WASF3: variants seen among roughly 807,000 people sequenced by gnomAD.
The protein encoded by WASF3 is WASP family member 3.
In WASF3, 11 loss-of-function variants were observed where a neutral mutation model predicts 46.6. That is an observed-to-expected ratio of 0.24 (90% CI 0.15 to 0.39). The LOEUF (loss-of-function observed/expected upper bound fraction) is 0.39, where lower values mean the gene tolerates loss of function less well. Among genes scored for constraint, WASF3 ranks in the 10% least tolerant of loss-of-function variants. The probability of loss-of-function intolerance (pLI) is 1.00; values close to 1 mark genes in which losing one functional copy is unlikely to be tolerated. For synonymous variants in WASF3, 242 were observed against 259.7 expected, an observed-to-expected ratio of 0.93 and a Z score of 0.65; for missense variants, 576 against 669.8, an observed-to-expected ratio of 0.86 and a Z score of 1.55.
In WASF3 at chr13:26,685,729, G is replaced by A; in HGVS notation, c.1393G>A (p.Ala465Thr). ...KKVQEQREQE[A>T]KREPVGNDVA... is the part of the protein sequence containing the mutation. ...GGTGCAGGAGCAGCGGGAGCAGGAG[G>A]CCAAGCGGGAGCCAGTGGGGAATGA... Residue 465 changes from alanine (A) to threonine (T), a missense_variant, in exon 10 of 10, where the codon GCC (alanine) becomes ACC (threonine). Ala to Thr is a moderately conservative substitution (Grantham distance 58). Coordinates refer to ENST00000335327, the MANE Select transcript of WASF3 (RefSeq NM_006646.6). 1 of 1,614,216 alleles carries A rather than the reference G, an allele frequency of 6.2e-7. No individual in the cohort carries two copies. Among genetic ancestry groups the A allele is most frequent in the Non-Finnish European group, 8.5e-7 (1 of 1,180,042 alleles).
chr13:26,635,865 G>A (rs1283941781), intron 2 of WASF3, among the ~76,000 whole-genome samples: 1 of 152,244 alleles, frequency 6.6e-6, no homozygotes, highest in Non-Finnish European at 1.5e-5. Context: ...ATTGCTGCCT[G>A]ATGCGTCCTC....
At chr13:26,590,943 G>C (rs191209766) in intron 1 of WASF3, among the ~76,000 whole-genome samples, 55 of 152,306 alleles carry the variant, frequency 3.6e-4, no homozygotes, top group African/African-American at 1.3e-3. Flanking sequence ...GGGTAAGGAG[G>C]TTCAGGACTT....
At chr13:26,564,414 T>C (rs376551079) in intron 1 of WASF3, among the ~76,000 whole-genome samples, 1 of 152,370 alleles carries the variant, frequency 6.6e-6, no homozygotes, top group African/African-American at 2.4e-5. Context: ...CCACTGGCTG[T>C]CCTCTCACAG....
intron 1 of WASF3, among the ~76,000 whole-genome samples, chr13:26,572,699 C>T (rs929779457): frequency 3.3e-5 from 5 of 152,074 alleles, no homozygotes; most frequent in Admixed American, 2.0e-4. Flanking sequence ...ACTATAGGCA[C>T]GTACCACCAT....
At chr13:26,619,948 G>A (rs1441982116) in intron 2 of WASF3, among the ~76,000 whole-genome samples, 3 of 152,166 alleles carry the variant, frequency 2.0e-5, no homozygotes, top group Admixed American at 2.0e-4. Flanking sequence ...ACACAGAAAT[G>A]AAGTAGCCTT....
At chr13:26,560,707 C>A (rs1379554478) in intron 1 of WASF3, among the ~76,000 whole-genome samples, 3 of 152,162 alleles carry the variant, frequency 2.0e-5, no homozygotes, top group Non-Finnish European at 4.4e-5. Context: ...TCCATTCATT[C>A]ATTTGCTTTA....
At chr13:26,597,124 A>G (rs1291464405) in intron 1 of WASF3, among the ~76,000 whole-genome samples, 3 of 151,986 alleles carry the variant, frequency 2.0e-5, no homozygotes, top group Non-Finnish European at 2.9e-5. Flanking sequence ...CTTGTGTCCC[A>G]TTATTTCTAT....
intron 2 of WASF3, among the ~76,000 whole-genome samples, chr13:26,632,710 T>C (rs1881689179): frequency 6.6e-6 from 1 of 152,224 alleles, no homozygotes; most frequent in Non-Finnish European, 1.5e-5. Context: ...GAAGATTCCC[T>C]CTTTTTCTGT....
intron 3 of WASF3, among the ~76,000 whole-genome samples, chr13:26,658,050 C>T (rs570312072): frequency 2.0e-5 from 3 of 152,248 alleles, no homozygotes; most frequent in South Asian, 2.1e-4. Flanking sequence ...TATGCAGCAT[C>T]GAGCTGAGAG....
intron 1 of WASF3, among the ~76,000 whole-genome samples, chr13:26,584,716 G>A (rs1880080214): frequency 6.6e-6 from 1 of 152,200 alleles, no homozygotes; most frequent in Non-Finnish European, 1.5e-5. Context: ...GAAACATGCA[G>A]CAAAGAAAGG....
chr13:26,545,879 C>A, the WASF3 span, among the ~76,000 whole-genome samples: 1 of 152,230 alleles, frequency 6.6e-6, no homozygotes, highest in Admixed American at 6.5e-5. Flanking sequence ...GCTGAGATTA[C>A]GGACATAAGC....
In WASF3 at chr13:26,608,695, G is replaced by A. The variant is rs56068815; in HGVS notation, c.-108-4266G>A. 8.9e-3 allele frequency among the ~76,000 whole-genome samples: 1,357 copies of A among 152,166 alleles called. 10 individuals are homozygous for A. Among genetic ancestry groups the A allele is most frequent in the Middle Eastern group, 0.017 (5 of 294 alleles). ...AGGTGCGGAACCGTTGTAGCAATGG[G>A]GTATCGAAGCTCAGGTAGTCAACCT... On this transcript the variant is annotated intron_variant, in intron 1 of 9. Transcript: ENST00000335327.
chr13:26,606,889 G>T (rs2137212947), intron 1 of WASF3: 1 of 152,144 alleles, frequency 6.6e-6, no homozygotes, highest in East Asian at 1.9e-4. Context: ...AGTCACCTGT[G>T]GTCTGAAAAT....
Position 26,686,254 on chromosome 13 carries a change from T to C in WASF3, c.*409T>C, listed in dbSNP as rs147792217. On this transcript the variant is annotated 3_prime_UTR_variant, in exon 10 of 10. Coordinates refer to ENST00000335327, the MANE Select transcript of WASF3 (RefSeq NM_006646.6). The stretch of plus-strand genomic sequence containing the variant: ...TGTCAGAGTGATGTCTTCCAACCAG[T>C]AAGTGATATTGTTTCACCGCTTTGG... 18 of 158,368 alleles carry C rather than the reference T, an allele frequency of 1.1e-4. No homozygotes were observed. In the East Asian group the frequency reaches 3.3e-3, roughly 29 times the overall value. 9.8% of individuals were successfully genotyped at this position (158,368 alleles called of 1,614,324 possible). A position where few individuals can be genotyped will look rare whatever the true frequency, so the allele number is the denominator to read the frequency against.
At chr13:26,628,499 CAGG>C (rs1436460039) in intron 2 of WASF3, among the ~76,000 whole-genome samples, 5 of 152,124 alleles carry the variant, frequency 3.3e-5, no homozygotes, top group African/African-American at 1.2e-4. Context: ...TGGCTCCTCC[CAGG>C]AGGAGATGCC....
chr13:26,600,384 G>T (rs907989235), intron 1 of WASF3, among the ~76,000 whole-genome samples: 9 of 152,130 alleles, frequency 5.9e-5, no homozygotes, highest in African/African-American at 2.2e-4. Context: ...TGTAAAATGG[G>T]GATATTAATA....
intron 1 of WASF3, among the ~76,000 whole-genome samples, chr13:26,579,161 A>C (rs6491136): frequency 1.3e-5 from 2 of 151,064 alleles, no homozygotes; most frequent in African/African-American, 4.9e-5. Context: ...CACTAGGACC[A>C]GCGAATTTTT....
At chr13:26,667,749 G>A in intron 5 of WASF3, 79 bp downstream of exon 5, 1 of 1,384,070 alleles carries the variant, frequency 7.2e-7, no homozygotes, top group Non-Finnish European at 9.9e-7. Context: ...CTGATGCATT[G>A]TGTGGGAATG....
At position 26,679,963 on chromosome 13, in the gene WASF3, A is replaced by G; in HGVS notation, c.717-1091A>G. The G allele has an allele frequency of 2.0e-6, 3 of 1,532,250 alleles. No homozygotes were observed. The highest frequency in any genetic ancestry group is 1.2e-5 in the South Asian group (1 of 82,282). The allele number at this position is 1,532,250 out of a possible 1,614,324, so 94.9% of individuals were successfully genotyped here. A position where few individuals can be genotyped will look rare whatever the true frequency, so the allele number is the denominator to read the frequency against. Reference sequence around the variant, plus strand: ...AAGAAAAGCTACCAACTGGAATCCCAAAGATGGAAATGCAGCGTGCATCTT... The same window carrying G: ...AAGAAAAGCTACCAACTGGAATCCCGAAGATGGAAATGCAGCGTGCATCTT... On this transcript the variant is annotated intron_variant, in intron 7 of 9. Coordinates refer to ENST00000335327, the MANE Select transcript of WASF3 (RefSeq NM_006646.6). The surrounding 1 kb of genome is among the most constrained non-coding windows in gnomAD (Gnocchi z 4.8).
Sources: gnomAD v4.1 joint callset for allele counts (sites outside exome capture counted in the v4.1 genomes callset) on GRCh38, gnomAD v4.1.1 for gene constraint, Gnocchi (gnomAD v3.1) non-coding constraint, MANE v1.5 for transcripts, NCBI Gene and HGNC (gene_info 2026-07-23, HGNC 2026-07-21) for gene names.